The following ZNF211 variants were observed in gnomAD, a reference collection of about 807,000 sequenced individuals.
ZNF211 encodes zinc finger protein 211, also known as zinc finger protein C2H2-25.
ZNF211 carries 18 observed loss-of-function variants against 12.1 expected under a neutral mutation model. The observed-to-expected ratio is 1.48, with a 90% CI of 1.03 to 2.20. ZNF211 has a LOEUF of 2.20. Among genes scored for constraint, ZNF211 ranks in the 30% most tolerant of loss-of-function variants. The pLI is 0.00. For missense variants in ZNF211, 677 were observed against 703.1 expected (o/e 0.96, Z 0.42); for synonymous variants, 249 against 246.0 (o/e 1.01, Z -0.11).
chr19:57,633,726 A>G (rs965252449), intron 1 of ZNF211: 3 of 1,533,402 alleles, frequency 2.0e-6, no homozygotes, highest in South Asian at 1.2e-5. Context: ...CGTGGGAGCC[A>G]TAGAGAGCTT....
chr19:57,634,363 T>G, intron 2 of ZNF211: 1 of 469,054 alleles, frequency 2.1e-6, no homozygotes, highest in Non-Finnish European at 3.6e-6. Flanking sequence ...TTTATTTCTG[T>G]GAAGTTTGGC....
chr19:57,639,766 C>A, intron 3 of ZNF211: 1 of 883,300 alleles, frequency 1.1e-6, no homozygotes, highest in Non-Finnish European at 1.6e-6. Context: ...AAATAGTTAC[C>A]ATGGGGATTA....
chr19:57,634,240 T>G, intron 2 of ZNF211, 179 bp downstream of exon 2: 1 of 625,276 alleles, frequency 1.6e-6, no homozygotes, highest in Non-Finnish European at 2.5e-6. Context: ...ATGTTTCCAT[T>G]TGGAGCAGCC....
rs2122231433 is a variant in ZNF211 at position 57,642,372 on chromosome 19, A to G, written c.*191A>G. ...AAAGTGTTAGACTTTCTCACCTGCC[A>G]TTTATGGCTCTTGCCGTTTATGTCA... On this transcript the variant is annotated 3_prime_UTR_variant, in exon 4 of 4. Coordinates refer to ENST00000240731, the MANE Select transcript of ZNF211 (RefSeq NM_006385.5). 1 of 628,306 alleles carries G rather than the reference A, an allele frequency of 1.6e-6. No individual in the cohort carries two copies. Among genetic ancestry groups the G allele is most frequent in the Admixed American group, 3.1e-5 (1 of 32,228 alleles). The allele number at this position is 628,306 out of a possible 1,614,324, so 38.9% of individuals were successfully genotyped here.
intron 3 of ZNF211, chr19:57,639,954 T>A (rs1982670766): frequency 2.6e-6 from 4 of 1,525,592 alleles, no homozygotes; most frequent in Non-Finnish European, 3.5e-6. Context: ...CAACTAGGGC[T>A]AGGGGAAGTG....
In ZNF211 at chr19:57,642,091, G is replaced by A; in HGVS notation, c.1644G>A (p.Arg548=). 6.2e-7 allele frequency: 1 copy of A among 1,614,116 alleles called. No individual in the cohort carries two copies. The highest frequency in any genetic ancestry group is 1.1e-5 in the South Asian group (1 of 91,082). ...IQHRRVHTGK[R]PYQCSQCGKS... Reference sequence around the variant, plus strand: ...ACCGCAGAGTTCACACGGGAAAAAGGCCTTATCAGTGCAGTCAATGTGGGA... The same window carrying A: ...ACCGCAGAGTTCACACGGGAAAAAGACCTTATCAGTGCAGTCAATGTGGGA... The change falls in exon 4 of 4, where the codon AGG becomes AGA. Residue 548 remains arginine, a synonymous_variant. Coordinates refer to ENST00000240731, the MANE Select transcript of ZNF211 (RefSeq NM_006385.5).
At chr19:57,639,056 C>A (rs1207688308) in intron 3 of ZNF211, among the ~76,000 whole-genome samples, 1 of 151,992 alleles carries the variant, frequency 6.6e-6, no homozygotes, top group African/African-American at 2.4e-5. Context: ...CATGGAATAT[C>A]TTTTTGTAGG....
In ZNF211 at chr19:57,633,352, C is replaced by A; in HGVS notation, c.6C>A (p.Leu2=). The change falls in exon 1 of 4, where the codon CTC becomes CTA. Residue 2 remains leucine, a synonymous_variant. Coordinates refer to ENST00000240731, the MANE Select transcript of ZNF211 (RefSeq NM_006385.5). ...AGGCCGGCCTGGGGATAGCGATGCTCGGGTTCCCCCCGGGTCGCCCGCAGC... is the reference window on the plus strand; with the variant it reads ...AGGCCGGCCTGGGGATAGCGATGCTAGGGTTCCCCCCGGGTCGCCCGCAGC... The part of the protein sequence containing the change: M[L]GFPPGRPQLP... 1 of 1,590,844 alleles carries A rather than the reference C, an allele frequency of 6.3e-7. No homozygotes were observed. Among genetic ancestry groups the A allele is most frequent in the Non-Finnish European group, 8.5e-7 (1 of 1,172,000 alleles).
At chr19:57,635,222 A>C (rs1981983771) in intron 3 of ZNF211, among the ~76,000 whole-genome samples, 1 of 152,198 alleles carries the variant, frequency 6.6e-6, no homozygotes. Flanking sequence ...AACCTCCTTC[A>C]AGGTGTTTTT....
At chr19:57,639,537 A>C (rs1568641451) in intron 3 of ZNF211, among the ~76,000 whole-genome samples, 1 of 144,854 alleles carries the variant, frequency 6.9e-6, no homozygotes, top group East Asian at 2.0e-4. Flanking sequence ...ATCCTGCCTC[A>C]GCCTCCTGAG....
In ZNF211 at chr19:57,641,665, A is replaced by G. The variant is rs958107074; in HGVS notation, c.1218A>G (p.Gly406=). The G allele has an allele frequency of 6.2e-7, 1 of 1,614,008 alleles. No individual in the cohort carries two copies. The highest frequency in any genetic ancestry group is 8.5e-7 in the Non-Finnish European group (1 of 1,179,906). ...TCTACCACCAGAGAGTTCACACTGG[A>G]GAAAGACCTCATGAGTGCAATGAAT... ...SLIYHQRVHT[G]ERPHECNECG... The change falls in exon 4 of 4, where the codon GGA becomes GGG. Residue 406 remains glycine, a synonymous_variant. Transcript: ENST00000240731.
intron 3 of ZNF211, among the ~76,000 whole-genome samples, chr19:57,636,426 G>T (rs1425918487): frequency 4.6e-5 from 7 of 152,024 alleles, no homozygotes; most frequent in African/African-American, 2.4e-5. Context: ...GTCAGGTAAG[G>T]GACCAACTTC....
At chr19:57,639,718 G>A (rs1335519950) in intron 3 of ZNF211, among the ~76,000 whole-genome samples, 2 of 151,872 alleles carry the variant, frequency 1.3e-5, no homozygotes, top group South Asian at 2.1e-4. Flanking sequence ...GAGCCACCAC[G>A]CCCAGTTCTT....
intron 3 of ZNF211, among the ~76,000 whole-genome samples, chr19:57,636,407 A>G (rs1210981447): frequency 6.6e-6 from 1 of 151,246 alleles, no homozygotes; most frequent in East Asian, 1.9e-4. Context: ...ATTAATTTTT[A>G]TATGTGGTGT....
intron 1 of ZNF211, 132 bp downstream of exon 1, chr19:57,633,568 C>A: frequency 1.3e-6 from 2 of 1,504,658 alleles, no homozygotes; most frequent in Admixed American, 2.2e-5. Flanking sequence ...TTTCTGACAT[C>A]CGATGTGGTG....
chr19:57,634,206 G>A lies in ZNF211; in HGVS notation c.129+145G>A, dbSNP rs1981850250. 5 of 879,360 alleles carry A rather than the reference G, an allele frequency of 5.7e-6. No homozygotes were observed. The South Asian group carries it at 1.1e-4, about 20-fold the overall frequency. The allele number at this position is 879,360 out of a possible 1,614,324, so 54.5% of individuals were successfully genotyped here. The stretch of plus-strand genomic sequence containing the variant: ...TTTGGGAACCCTGGAGAATCCCTGA[G>A]CTAAGGGCCCTGAGTCCAGGCCAAT... On this transcript the variant is annotated intron_variant, in intron 2 of 3. Transcript: ENST00000240731.
At position 57,633,292 on chromosome 19, in the gene ZNF211, G is replaced by C. The variant is rs767365367; in HGVS notation, c.-55G>C. On this transcript the variant is annotated 5_prime_UTR_variant, in exon 1 of 4. Coordinates refer to ENST00000240731, the MANE Select transcript of ZNF211 (RefSeq NM_006385.5). ...AGTGACGGACCGTGAAGGCGCGAGA[G>C]TCAGGTCTGAGGGTCGGGGGCAGAG... The C allele has an allele frequency of 7.8e-5, 113 of 1,455,782 alleles. No individual in the cohort carries two copies. Among genetic ancestry groups the C allele is most frequent in the Non-Finnish European group, 1.0e-4 (112 of 1,094,208 alleles). The allele number at this position is 1,455,782 out of a possible 1,614,324, so 90.2% of individuals were successfully genotyped here.
At chr19:57,640,294 ATAT>A (rs1199806473) in intron 3 of ZNF211, among the ~76,000 whole-genome samples, 1 of 152,024 alleles carries the variant, frequency 6.6e-6, no homozygotes, top group Non-Finnish European at 1.5e-5. Context: ...GTGTTCTTTA[ATAT>A]TATTTTGTCC....
At chr19:57,636,910 A>G (rs572563068) in intron 3 of ZNF211, among the ~76,000 whole-genome samples, 1 of 152,282 alleles carries the variant, frequency 6.6e-6, no homozygotes, top group South Asian at 2.1e-4. Context: ...TTTCTAGTGT[A>G]CAAGGCTTTT....
Sources: allele counts gnomAD v4.1 joint callset (sites outside exome capture counted in the v4.1 genomes callset), GRCh38; gene constraint gnomAD v4.1.1; transcripts MANE v1.5; gene names NCBI Gene and HGNC (gene_info 2026-07-23, HGNC 2026-07-21).